Variants in IRAG1 observed in about 807,000 individuals in gnomAD.
IRAG1 encodes IP3R-associated cGMP kinase substrate.
In IRAG1, 62 loss-of-function variants were observed where a neutral mutation model predicts 106.2. That is an observed-to-expected ratio of 0.58 (90% CI 0.48 to 0.72). IRAG1 has a LOEUF of 0.72. IRAG1 is among the 30% of genes least tolerant of loss of function. The pLI, the probability that IRAG1 is intolerant of heterozygous loss-of-function variation, is 0.00. For missense variants in IRAG1, 1,064 were observed against 1,140.7 expected, an observed-to-expected ratio of 0.93 and a Z score of 0.97; for synonymous variants, 462 against 443.9, an observed-to-expected ratio of 1.04 and a Z score of -0.51.
intron 1 of IRAG1, among the ~76,000 whole-genome samples, chr11:10,683,186 T>C (rs7482037): frequency 6.6e-6 from 1 of 151,962 alleles, no homozygotes; most frequent in African/African-American, 2.4e-5. Context: ...AGCTGTTGTA[T>C]GGGGAATTCT....
chr11:10,595,709 C>A (rs1460390361), intron 15 of IRAG1: 1 of 151,934 alleles, frequency 6.6e-6, no homozygotes, highest in East Asian at 1.9e-4. Flanking sequence ...TTTTTTTTAA[C>A]TTTTATTTTA....
intron 15 of IRAG1, among the ~76,000 whole-genome samples, chr11:10,594,930 AT>A (rs200776180): frequency 1.3e-5 from 2 of 151,488 alleles, no homozygotes. Flanking sequence ...TCAAAAAAAA[AT>A]TTTTTTTTCT....
chr11:10,604,513 T>C lies in IRAG1; in HGVS notation c.1635A>G (p.Arg545=). The C allele has an allele frequency of 3.7e-6, 6 of 1,614,062 alleles. No individual in the cohort carries two copies. Among genetic ancestry groups the C allele is most frequent in the Non-Finnish European group, 2.5e-6 (3 of 1,179,896 alleles). ...TAGATTCCAGAGTGTAGCTGTCATT[T>C]CTAAAGGCCAAGGACAGTTGCACAA... The part of the protein sequence containing the change: ...NVFVQLSLAF[R]NDSYTLESRI... The change falls in exon 13 of 21, where the codon AGA becomes AGG. Residue 545 remains arginine, a synonymous_variant. Transcript: ENST00000423302.
chr11:10,649,038 C>A (rs1415595889), intron 2 of IRAG1, among the ~76,000 whole-genome samples: 1 of 152,190 alleles, frequency 6.6e-6, no homozygotes, highest in African/African-American at 2.4e-5. Context: ...AGGATTGGGA[C>A]TTCCAGCCGA....
chr11:10,675,803 C>CG (rs1860608258), intron 1 of IRAG1, among the ~76,000 whole-genome samples: 3 of 152,176 alleles, frequency 2.0e-5, no homozygotes, highest in Non-Finnish European at 2.9e-5. Context: ...GCGGTCTTTA[C>CG]TAAGTTTGTC....
At chr11:10,679,220 T>C (rs959650177) in intron 1 of IRAG1, among the ~76,000 whole-genome samples, 1 of 152,178 alleles carries the variant, frequency 6.6e-6, no homozygotes, top group African/African-American at 2.4e-5. Flanking sequence ...ATCAGAAGCA[T>C]AGAGCTTTTT....
At chr11:10,597,737 GT>G (rs1217012773) in intron 15 of IRAG1, among the ~76,000 whole-genome samples, 1 of 152,176 alleles carries the variant, frequency 6.6e-6, no homozygotes, top group Non-Finnish European at 1.5e-5. Flanking sequence ...TAATCCTATT[GT>G]TTTGTGTAAC....
intron 19 of IRAG1, 75 bp from the exon 20 acceptor site, chr11:10,580,664 G>A (rs1416673965): frequency 1.9e-6 from 3 of 1,542,782 alleles, no homozygotes; most frequent in Non-Finnish European, 2.6e-6. Flanking sequence ...CCTAGGGGAG[G>A]GGACTTGAGC....
intron 2 of IRAG1, among the ~76,000 whole-genome samples, chr11:10,639,015 G>A (rs935158451): frequency 2.0e-5 from 3 of 152,114 alleles, no homozygotes; most frequent in Non-Finnish European, 4.4e-5. Context: ...TCCGCCTCCC[G>A]GTCAAGCAAT....
chr11:10,622,217 G>A lies in IRAG1; in HGVS notation c.1447+1561C>T, dbSNP rs997289601. 3.9e-5 allele frequency among the ~76,000 whole-genome samples: 6 copies of A among 152,168 alleles called. 1 individual carries two copies. The highest frequency in any genetic ancestry group is 1.4e-4 in the African/African-American group (6 of 41,428). ...AAGAAAGTAGAAGATTGCAGAGCTG[G>A]TGGGACTAACCCACTGCTTTAAGGA... On this transcript the variant is annotated intron_variant, in intron 10 of 20. Transcript: ENST00000423302.
Position 10,632,078 on chromosome 11 carries a change from T to C in IRAG1, c.330-17A>G. On this transcript the variant is annotated splice_polypyrimidine_tract_variant and intron_variant, in intron 3 of 20. Coordinates refer to ENST00000423302, the MANE Select transcript of IRAG1 (RefSeq NM_130385.4). ...CTGTGAACTCTGAAAGACAGAACAG[T>C]CATCTTGTTCAGAAAATCAATCCAC... The C allele has an allele frequency of 6.3e-7, 1 of 1,599,274 alleles. No individual in the cohort carries two copies. Among genetic ancestry groups the C allele is most frequent in the Non-Finnish European group, 8.6e-7 (1 of 1,166,592 alleles).
chr11:10,680,488 A>C lies in IRAG1; in HGVS notation c.67+13048T>G, dbSNP rs181200594. 7.1e-3 allele frequency among the ~76,000 whole-genome samples: 984 copies of C among 139,256 alleles called. 13 individuals are homozygous for C. The highest frequency in any genetic ancestry group is 0.026 in the African/African-American group (947 of 36,300). The allele number at this position is 139,256 out of a possible 152,430, so 91.4% of individuals were successfully genotyped here. ...AGGAAGGAAGGAAGGAGAGGAAGGG[A>C]GGGAGAAAGAGAGAGAAAGGGAAAA... On this transcript the variant is annotated intron_variant, in intron 1 of 20. Transcript: ENST00000423302.
At chr11:10,585,070 T>C (rs1206138129) in intron 18 of IRAG1, among the ~76,000 whole-genome samples, 2 of 152,156 alleles carry the variant, frequency 1.3e-5, no homozygotes, top group Non-Finnish European at 2.9e-5. Context: ...TATGGTAAAT[T>C]AACATTACAT....
In IRAG1 at chr11:10,591,551, TC is replaced by T; in HGVS notation, c.2236del (p.Glu746LysfsTer18). The T allele has an allele frequency of 6.3e-7, 1 of 1,592,980 alleles. No homozygotes were observed. Among genetic ancestry groups the T allele is most frequent in the South Asian group, 1.1e-5 (1 of 87,146 alleles). ...PVTSALPALLENGKTNGDPDC... is the reference protein window; with the variant it reads ...PVTSALPALLXNGKTNGDPDC... ...AGAGGAAAATCGACAAACTTACTTT[TC>T]CAAAAGTGCAGGCAGTGCTGAAGTG... On this transcript the variant is annotated frameshift_variant, in exon 18 of 21. Transcript: ENST00000423302. LOFTEE classifies it high-confidence loss of function.
chr11:10,615,119 A>C (rs1855293351), intron 10 of IRAG1, among the ~76,000 whole-genome samples: 1 of 152,254 alleles, frequency 6.6e-6, no homozygotes, highest in Admixed American at 6.5e-5. Flanking sequence ...AAAGTGGGCA[A>C]AGGATATGAA....
chr11:10,632,131 G>T, intron 3 of IRAG1, 70 bp from the exon 4 acceptor site: 1 of 976,576 alleles, frequency 1.0e-6, no homozygotes, highest in Non-Finnish European at 1.6e-6. Context: ...AAAGATGCCT[G>T]TATATTCTTT....
chr11:10,616,947 G>A, intron 10 of IRAG1: 1 of 825,868 alleles, frequency 1.2e-6, no homozygotes, highest in Non-Finnish European at 1.5e-6. Context: ...TCAGGGACTT[G>A]GAAAAATTAC....
At chr11:10,690,298 G>A in intron 1 of IRAG1, 1 of 898,942 alleles carries the variant, frequency 1.1e-6, no homozygotes, top group Non-Finnish European at 1.5e-6. Flanking sequence ...GCTGAGGCAT[G>A]AGAATTGCTT....
intron 1 of IRAG1, among the ~76,000 whole-genome samples, chr11:10,682,804 G>A (rs1179563532): frequency 2.0e-5 from 3 of 152,180 alleles, no homozygotes; most frequent in African/African-American, 7.2e-5. Context: ...CCCTTCTTTA[G>A]TAAGAACCCC....
Sources: gnomAD v4.1 joint callset for allele counts (sites outside exome capture counted in the v4.1 genomes callset) on GRCh38, gnomAD v4.1.1 for gene constraint, MANE v1.5 for transcripts, NCBI Gene and HGNC (gene_info 2026-07-23, HGNC 2026-07-21) for gene names.